Variants in KMT5C observed in about 807,000 individuals in gnomAD.
KMT5C encodes histone-lysine N-methyltransferase KMT5C.
In KMT5C, 16 loss-of-function variants were observed where a neutral mutation model predicts 38.2. The observed-to-expected ratio is 0.42, with a 90% CI of 0.28 to 0.64. KMT5C has a LOEUF of 0.64. Ranked by LOEUF, KMT5C falls within the 30% of genes least tolerant of loss-of-function variation. The pLI is 0.23. For missense variants in KMT5C, 598 were observed against 665.1 expected (o/e 0.90, Z 1.11); for synonymous variants, 291 against 279.0 (o/e 1.04, Z -0.43).
intron 6 of KMT5C, among the ~76,000 whole-genome samples, chr19:55,345,352 G>T (rs758404054): frequency 1.3e-5 from 2 of 152,190 alleles, no homozygotes; most frequent in Admixed American, 6.5e-5. Context: ...TCCCCCCAGG[G>T]TGTATAATGG....
chr19:55,346,449 C>T, intron 7 of KMT5C, 51 bp from the exon 8 acceptor site: 2 of 1,601,532 alleles, frequency 1.2e-6, no homozygotes, highest in Non-Finnish European at 1.7e-6. Flanking sequence ...CAACCCCAGC[C>T]TCTCATCTCC....
intron 3 of KMT5C, 180 bp downstream of exon 3, chr19:55,342,560 G>A (rs1185026235): frequency 6.3e-6 from 4 of 638,918 alleles, no homozygotes; most frequent in South Asian, 5.7e-5. Flanking sequence ...AGTTGGGGGG[G>A]CCCTCTGAGA....
At chr19:55,345,542 G>C (rs2089607762) in intron 6 of KMT5C, among the ~76,000 whole-genome samples, 1 of 152,192 alleles carries the variant, frequency 6.6e-6, no homozygotes, top group Admixed American at 6.5e-5. Flanking sequence ...GTGGCCGGTT[G>C]GTCTGGGGGC....
rs571918741 is a variant in KMT5C, at chr19:55,342,936, C to G, written c.386+85C>G. The G allele has an allele frequency of 1.8e-4, 159 of 892,898 alleles. 1 individual carries two copies. Among genetic ancestry groups the G allele is most frequent in the South Asian group, 1.3e-3 (98 of 73,848 alleles). 55.3% of individuals were successfully genotyped at this position (892,898 alleles called of 1,614,324 possible). ...GAGAGACCCTCTGTTCATGGACTGG[C>G]CAACCGGGGAAAAGCGAGGGGCCTG... On this transcript the variant is annotated intron_variant, in intron 4 of 8. Transcript: ENST00000255613.
rs188973719 is a variant in KMT5C at position 55,347,955 on chromosome 19, C to G, written c.*506C>G. The G allele has an allele frequency of 1.0e-4, 16 of 155,118 alleles. No individual in the cohort carries two copies. Among genetic ancestry groups the G allele is most frequent in the Admixed American group, 3.2e-4 (5 of 15,392 alleles). 9.6% of individuals were successfully genotyped at this position (155,118 alleles called of 1,614,324 possible). On this transcript the variant is annotated 3_prime_UTR_variant, in exon 9 of 9. Coordinates refer to ENST00000255613, the MANE Select transcript of KMT5C (RefSeq NM_032701.4). This position sits in a 1 kb window ranked among gnomAD's most constrained non-coding sequence, Gnocchi z 4.6. ...TGGAGGCATGTTCCCCTCACCACCC[C>G]CCGTGGGTCTCAGGGAGGCCGGGTG... is the stretch of plus-strand genomic sequence containing the variant.
intron 6 of KMT5C, among the ~76,000 whole-genome samples, chr19:55,345,847 C>A (rs149357871): frequency 1.3e-5 from 2 of 152,158 alleles, no homozygotes; most frequent in African/African-American, 4.8e-5. Context: ...CACAGTCTGG[C>A]GGGGGGCAGG....
In KMT5C at chr19:55,341,371, G is replaced by A. The variant is rs961059784; in HGVS notation, c.-143-423G>A. 1.2e-4 allele frequency among the ~76,000 whole-genome samples: 19 copies of A among 152,278 alleles called. No individual in the cohort carries two copies. In the East Asian group the frequency reaches 3.3e-3, roughly 26 times the overall value. On this transcript the variant is annotated intron_variant, in intron 1 of 8. Coordinates refer to ENST00000255613, the MANE Select transcript of KMT5C (RefSeq NM_032701.4). The stretch of plus-strand genomic sequence containing the variant: ...ACTCCCGAAGGCTGCCGGGGAGGCA[G>A]GGGGCGGAGACCGAGGCTGGGTCGA...
At chr19:55,341,620 A>G (rs1332399637) in intron 1 of KMT5C, 174 bp from the exon 2 acceptor site, 4 of 401,896 alleles carry the variant, frequency 1.0e-5, no homozygotes, top group Non-Finnish European at 1.8e-5. Context: ...ATGGGTGTGC[A>G]TGTGGGGGTT....
Position 55,343,135 on chromosome 19 carries a change from C to A in KMT5C, c.386+284C>A. On this transcript the variant is annotated intron_variant, in intron 4 of 8. Transcript: ENST00000255613. This position sits in a 1 kb window ranked among gnomAD's most constrained non-coding sequence, Gnocchi z 5.5. ...TGTCCTTACCTCCTTGTGACCTGAG[C>A]CCCCACCACATGTTAAACACCCCTG... The A allele has an allele frequency of 2.7e-6, 1 of 368,578 alleles. No individual in the cohort carries two copies. The highest frequency in any genetic ancestry group is 5.1e-6 in the Non-Finnish European group (1 of 196,286). 22.8% of individuals were successfully genotyped at this position (368,578 alleles called of 1,614,324 possible). A position where few individuals can be genotyped will look rare whatever the true frequency, so the allele number is the denominator to read the frequency against.
chr19:55,346,470 G>T, intron 7 of KMT5C, 30 bp from the exon 8 acceptor site: 1 of 1,593,850 alleles, frequency 6.3e-7, no homozygotes, highest in Admixed American at 1.8e-5. Flanking sequence ...CTTCCACCCG[G>T]CCTCATCTCC....
intron 3 of KMT5C, 120 bp downstream of exon 3, chr19:55,342,500 T>G: frequency 1.3e-6 from 1 of 791,054 alleles, no homozygotes; most frequent in Non-Finnish European, 2.0e-6. Flanking sequence ...CCTGACTTCC[T>G]AGCCCTTGGG....
rs2089594873 is a variant in KMT5C, at chr19:55,344,449, CA to C, written c.570+453del. On this transcript the variant is annotated intron_variant, in intron 6 of 8. Coordinates refer to ENST00000255613, the MANE Select transcript of KMT5C (RefSeq NM_032701.4). ...GGAAGGGGCAGAGTGGGTATTTGCT[CA>C]CAAGGCTACCAGAAAGGAGGAAGGG... The C allele has an allele frequency of 1.4e-5, 5 of 347,962 alleles. No homozygotes were observed. In the Admixed American group the frequency reaches 1.9e-4, roughly 14 times the overall value. 21.6% of individuals were successfully genotyped at this position (347,962 alleles called of 1,614,324 possible). A position where few individuals can be genotyped will look rare whatever the true frequency, so the allele number is the denominator to read the frequency against.
intron 6 of KMT5C, chr19:55,344,920 CT>C: frequency 2.1e-6 from 1 of 470,452 alleles, no homozygotes; most frequent in South Asian, 1.5e-5. Context: ...GATGCCACCC[CT>C]GGCCTTTGGT....
At chr19:55,340,316 A>C (rs1600259393) in intron 1 of KMT5C, among the ~76,000 whole-genome samples, 4 of 137,752 alleles carry the variant, frequency 2.9e-5, no homozygotes, top group African/African-American at 2.8e-5. Flanking sequence ...CTCTCCCTGC[A>C]CCCTCAGGGC....
At position 55,344,151 on chromosome 19, in the gene KMT5C, G is replaced by A. The variant is rs1320588166; in HGVS notation, c.570+154G>A. ...GCACTTTGGGAGGCCGAGGTGGGCA[G>A]ATCACGAGGTCAGGAGATGGAGACC... On this transcript the variant is annotated intron_variant, in intron 6 of 8. Transcript: ENST00000255613. 5.4e-6 allele frequency: 4 copies of A among 736,658 alleles called. No homozygotes were observed. The Admixed American group carries it at 7.7e-5, about 14-fold the overall frequency. The allele number at this position is 736,658 out of a possible 1,614,324, so 45.6% of individuals were successfully genotyped here. A position where few individuals can be genotyped will look rare whatever the true frequency, so the allele number is the denominator to read the frequency against.
At chr19:55,346,847 G>A in intron 8 of KMT5C, 109 bp from the exon 9 acceptor site, 5 of 766,698 alleles carry the variant, frequency 6.5e-6, no homozygotes, top group Non-Finnish European at 1.1e-5. Flanking sequence ...TCATTCCTCT[G>A]GGGAGCGCAG....
rs1209348461 is a variant in KMT5C at position 55,346,490 on chromosome 19, G to A, written c.708-10G>A. 1.9e-6 allele frequency: 3 copies of A among 1,589,728 alleles called. No homozygotes were observed. The highest frequency in any genetic ancestry group is 1.7e-6 in the Non-Finnish European group (2 of 1,168,688). On this transcript the variant is annotated splice_polypyrimidine_tract_variant and intron_variant, in intron 7 of 8. Transcript: ENST00000255613. ...ACCCGGCCTCATCTCCCCTTCACCCGGTCTCCCAGGAAAGGTGAAGGAGCT... is the reference window on the plus strand; with the variant it reads ...ACCCGGCCTCATCTCCCCTTCACCCAGTCTCCCAGGAAAGGTGAAGGAGCT...
Position 55,342,383 on chromosome 19 carries a change from G to A in KMT5C, c.276+3G>A. On this transcript the variant is annotated splice_donor_region_variant and intron_variant, in intron 3 of 8. Transcript: ENST00000255613. ...AGGAGGCTGCCCTCAAGACCCACGT[G>A]AGGGCGCCCTCCCCTCCCCCGCCCT... The A allele has an allele frequency of 6.7e-7, 1 of 1,497,896 alleles. No homozygotes were observed. Among genetic ancestry groups the A allele is most frequent in the South Asian group, 1.3e-5 (1 of 77,324 alleles). 92.8% of individuals were successfully genotyped at this position (1,497,896 alleles called of 1,614,324 possible). A position where few individuals can be genotyped will look rare whatever the true frequency, so the allele number is the denominator to read the frequency against.
Position 55,347,635 on chromosome 19 carries a change from G to A in KMT5C, c.*186G>A. 1 of 998,318 alleles carries A rather than the reference G, an allele frequency of 1.0e-6. No individual in the cohort carries two copies. The highest frequency in any genetic ancestry group is 1.4e-6 in the Non-Finnish European group (1 of 732,440). The allele number at this position is 998,318 out of a possible 1,614,324, so 61.8% of individuals were successfully genotyped here. Reference sequence around the variant, plus strand: ...TGAGCCCTGACCCTTTGTGACTGCTGACCCCTGAGCCACCCCCACTCCCAC... The same window carrying A: ...TGAGCCCTGACCCTTTGTGACTGCTAACCCCTGAGCCACCCCCACTCCCAC... On this transcript the variant is annotated 3_prime_UTR_variant, in exon 9 of 9. Transcript: ENST00000255613. This position sits in a 1 kb window ranked among gnomAD's most constrained non-coding sequence, Gnocchi z 4.6.
Sources: gnomAD v4.1 joint callset for allele counts (sites outside exome capture counted in the v4.1 genomes callset) on GRCh38, gnomAD v4.1.1 for gene constraint, Gnocchi (gnomAD v3.1) non-coding constraint, MANE v1.5 for transcripts, NCBI Gene and HGNC (gene_info 2026-07-23, HGNC 2026-07-21) for gene names.